Variants in BCOR observed in about 807,000 individuals in gnomAD.
The protein encoded by BCOR is BCL-6 corepressor.
In BCOR, 10 loss-of-function variants were observed where a neutral mutation model predicts 86.7. The observed-to-expected ratio is 0.12, with a 90% CI of 0.07 to 0.20. The LOEUF is 0.20. Among genes scored for constraint, BCOR ranks in the 10% least tolerant of loss-of-function variants. The pLI is 1.00. For missense variants in BCOR, 1,259 were observed against 1,452.1 expected (o/e 0.87, Z 2.16); for synonymous variants, 611 against 609.0 (o/e 1.00, Z -0.05).
chrX:40,062,508 A>C, intron 9 of BCOR, 115 bp from the exon 10 acceptor site: 13 of 900,715 alleles, frequency 1.4e-5, no homozygotes, highest in Non-Finnish European at 2.0e-5. Context: ...TTTATTCCTT[A>C]TCTTTTTTTG....
chrX:40,137,930 C>T (rs930358917), intron 1 of BCOR, among the ~76,000 whole-genome samples: 1 of 110,467 alleles, frequency 9.1e-6, no homozygotes, highest in Non-Finnish European at 1.9e-5. Context: ...GGGAAGTGGA[C>T]GGGGGGCGAC....
intron 1 of BCOR, among the ~76,000 whole-genome samples, chrX:40,150,667 C>G (rs1474579469): frequency 1.8e-5 from 2 of 111,849 alleles, no homozygotes; most frequent in African/African-American, 6.5e-5. Context: ...CTGCAGATCC[C>G]CCCGGTGGTG....
At chrX:40,054,179 TC>T in intron 13 of BCOR, 76 bp downstream of exon 13, 1 of 1,103,088 alleles carries the variant, frequency 9.1e-7, no homozygotes, top group Non-Finnish European at 1.2e-6. Context: ...CCATCCACTT[TC>T]CCTCACCCAT....
In BCOR at chrX:40,074,903, A is replaced by G. The variant is rs1216089363; in HGVS notation, c.443T>C (p.Ile148Thr). 1 of 1,208,832 alleles carries G rather than the reference A, an allele frequency of 8.3e-7. No individual in the cohort carries two copies. Among genetic ancestry groups the G allele is most frequent in the African/African-American group, 1.8e-5 (1 of 56,726 alleles). ...TTGTATTCCAGGCGGTGTTTTGTAT[A>G]TAGCACTGAAGCCATTTGGGGGTTT... ...SGKPPNGFSA[I>T]YKTPPGIQKS... The change falls in exon 4 of 15, where the codon ATA (isoleucine) becomes ACA (threonine). Residue 148 changes from isoleucine (I) to threonine (T), a missense_variant. Transcript: ENST00000378444.
intron 1 of BCOR, among the ~76,000 whole-genome samples, chrX:40,114,219 G>A (rs777566673): frequency 4.5e-5 from 5 of 112,096 alleles, no homozygotes; most frequent in Admixed American, 1.9e-4. Flanking sequence ...GGGGGTACCT[G>A]GACTGGTGGG....
intron 1 of BCOR, among the ~76,000 whole-genome samples, chrX:40,165,918 C>T (rs1388135677): frequency 8.9e-6 from 1 of 111,974 alleles, no homozygotes; most frequent in African/African-American, 3.3e-5. Flanking sequence ...GCTAGGATTA[C>T]AGGCCTGAGC....
intron 1 of BCOR, among the ~76,000 whole-genome samples, chrX:40,095,640 G>A (rs916718569): frequency 3.6e-5 from 4 of 112,278 alleles, no homozygotes; most frequent in African/African-American, 1.3e-4. Context: ...TAGACGCAGC[G>A]AGGCTGTGCG....
At chrX:40,155,414 C>T (rs1938268666) in intron 1 of BCOR, among the ~76,000 whole-genome samples, 1 of 111,178 alleles carries the variant, frequency 9.0e-6, no homozygotes, top group South Asian at 3.9e-4. Context: ...TGGATATCAC[C>T]CGCGGAGTGA....
intron 1 of BCOR, among the ~76,000 whole-genome samples, chrX:40,109,623 G>C (rs756588418): frequency 1.8e-5 from 2 of 110,782 alleles, no homozygotes; most frequent in South Asian, 7.3e-4. Flanking sequence ...GGGTCGGCGG[G>C]GGTGCGGAGC....
At chrX:40,087,616 A>G (rs1336913418) in intron 1 of BCOR, among the ~76,000 whole-genome samples, 1 of 111,597 alleles carries the variant, frequency 9.0e-6, no homozygotes, top group Non-Finnish European at 1.9e-5. Context: ...TCTTCCTCCA[A>G]AGCACTATGT....
chrX:40,156,582 C>T (rs1225268862), intron 1 of BCOR, among the ~76,000 whole-genome samples: 1 of 113,089 alleles, frequency 8.8e-6, no homozygotes, highest in Non-Finnish European at 1.9e-5. Flanking sequence ...GCACCGCCTA[C>T]CCCCCAGGCC....
chrX:40,094,927 C>T (rs1936785321), intron 1 of BCOR, among the ~76,000 whole-genome samples: 1 of 112,713 alleles, frequency 8.9e-6, no homozygotes, highest in African/African-American at 3.2e-5. Flanking sequence ...CCGGAGAACA[C>T]TTCCTAATTA....
chrX:40,154,698 GTGTC>G (rs1299437271), intron 1 of BCOR, among the ~76,000 whole-genome samples: 1 of 111,763 alleles, frequency 8.9e-6, no homozygotes, highest in Non-Finnish European at 1.9e-5. Flanking sequence ...CCTTGTGTCT[GTGTC>G]TGTGCAGAGG....
chrX:40,135,580 G>C lies in BCOR; in HGVS notation c.-41+41427C>G, dbSNP rs778771353. Among the ~76,000 whole-genome samples, 243 of 111,045 alleles carry C rather than the reference G, an allele frequency of 2.2e-3. 1 individual carries two copies. Among genetic ancestry groups the C allele is most frequent in the Non-Finnish European group, 4.1e-3 (216 of 52,957 alleles). On this transcript the variant is annotated intron_variant, in intron 1 of 14. Coordinates refer to the BCOR transcript ENST00000342274. ...AACTTTTGTATTTTTAGTAGAGACA[G>C]GGTTTCACCATGTTGGCCAGGCCAG...
At chrX:40,117,065 C>G (rs1388084018) in intron 1 of BCOR, among the ~76,000 whole-genome samples, 1 of 112,475 alleles carries the variant, frequency 8.9e-6, no homozygotes, top group Non-Finnish European at 1.9e-5. Context: ...AATTTAGGTT[C>G]AGTCTTTCTT....
intron 1 of BCOR, among the ~76,000 whole-genome samples, chrX:40,172,897 T>A (rs915000825): frequency 8.9e-6 from 1 of 112,605 alleles, no homozygotes; most frequent in South Asian, 3.6e-4. Flanking sequence ...CTGTCCCCAG[T>A]CCCCAGTCAC....
chrX:40,068,622 C>G (rs1052368718), intron 6 of BCOR, among the ~76,000 whole-genome samples: 5 of 112,300 alleles, frequency 4.5e-5, no homozygotes, highest in Admixed American at 2.8e-4. Context: ...TATGTATCAA[C>G]AAAAGTAAAT....
intron 12 of BCOR, among the ~76,000 whole-genome samples, chrX:40,054,737 T>C (rs1006778514): frequency 8.9e-6 from 1 of 112,486 alleles, no homozygotes; most frequent in Admixed American, 9.4e-5. Flanking sequence ...TCCTGACCTT[T>C]GGTGATCCAC....
chrX:40,071,839 T>C (rs1935489428), intron 4 of BCOR, 149 bp from the exon 5 acceptor site: 1 of 467,623 alleles, frequency 2.1e-6, no homozygotes, highest in South Asian at 3.5e-5. Flanking sequence ...GAAATTCCTA[T>C]ACAACATCTA....
Sources: gnomAD v4.1 joint callset for allele counts (sites outside exome capture counted in the v4.1 genomes callset) on GRCh38, gnomAD v4.1.1 for gene constraint, MANE v1.5 for transcripts, NCBI Gene and HGNC (gene_info 2026-07-23, HGNC 2026-07-21) for gene names.